EGLN1: variants seen among roughly 807,000 people sequenced by gnomAD.
EGLN1 encodes the protein egl nine homolog 1.
Under a neutral mutation model 38.3 loss-of-function variants are expected in EGLN1, and 17 were observed. The ratio of observed to expected loss-of-function variants is 0.44; its 90% CI spans 0.30 to 0.67. The LOEUF (loss-of-function observed/expected upper bound fraction) is 0.67, where lower values mean the gene tolerates loss of function less well. EGLN1 is among the 30% of genes least tolerant of loss of function. EGLN1 has a pLI of 0.08. For missense variants in EGLN1, 477 were observed against 603.3 expected (o/e 0.79, Z 2.19); for synonymous variants, 283 against 257.5 (o/e 1.10, Z -0.95).
In EGLN1 at chr1:231,421,352, CAGG is replaced by C. The variant is rs1656587985; in HGVS notation, c.534_536del (p.Leu179del). 6.2e-7 allele frequency: 1 copy of C among 1,610,016 alleles called. No homozygotes were observed. Among genetic ancestry groups the C allele is most frequent in the African/African-American group, 1.3e-5 (1 of 74,866 alleles). ...GGGGCTTCGTCTGCCCGTTGGGCCG[CAGG>C]CCGCCGCCGGGGCTCAGCGCATCCC... On this transcript the variant is annotated inframe_deletion, in exon 1 of 5. Coordinates refer to ENST00000366641, the MANE Select transcript of EGLN1 (RefSeq NM_022051.3). This position sits in a 1 kb window ranked among gnomAD's most constrained non-coding sequence, Gnocchi z 5.5.
At chr1:231,379,813 C>T (rs2808586) in intron 1 of EGLN1, among the ~76,000 whole-genome samples, 82,974 of 152,102 alleles carry the variant, frequency 0.55, 24,257 homozygotes, top group Non-Finnish European at 0.65. Context: ...TATCCCTCAT[C>T]AACATTATAA....
intron 1 of EGLN1, among the ~76,000 whole-genome samples, chr1:231,396,922 TA>T (rs1209328806): frequency 6.6e-6 from 1 of 151,384 alleles, no homozygotes; most frequent in Admixed American, 6.6e-5. Context: ...CTCTAATCTG[TA>T]TAACTCTCTC....
chr1:231,369,708 C>A (rs1453674396), intron 3 of EGLN1: 1 of 516,430 alleles, frequency 1.9e-6, no homozygotes, highest in Non-Finnish European at 2.5e-6. Context: ...CAACTCTCCA[C>A]CCAGCGCATC....
intron 1 of EGLN1, among the ~76,000 whole-genome samples, chr1:231,414,709 T>C (rs1572052172): frequency 6.6e-6 from 1 of 150,914 alleles, no homozygotes; most frequent in East Asian, 2.0e-4. Flanking sequence ...CCCAGTGCGA[T>C]GGCTCATACC....
In EGLN1 at chr1:231,421,882, T is replaced by C; in HGVS notation, c.7A>G (p.Asn3Asp). 6.8e-7 allele frequency: 1 copy of C among 1,459,872 alleles called. No individual in the cohort carries two copies. The allele number at this position is 1,459,872 out of a possible 1,614,324, so 90.4% of individuals were successfully genotyped here. Residue 3 changes from asparagine (N) to aspartate (D), a missense_variant, in exon 1 of 5, where the codon AAT (asparagine) becomes GAT (aspartate). This residue lies in a region of EGLN1 where 298 missense variants were observed against 288.9 expected (regional missense o/e 1.03). Transcript: ENST00000366641. The surrounding 1 kb of genome is among the most constrained non-coding windows in gnomAD (Gnocchi z 5.5). ...GGCCCGCCGGGCCCGCCGCTGTCAT[T>C]GGCCATGGCGGCGGCGGCGGCGGCG... MA[N>D]DSGGPGGPSP...
chr1:231,382,650 T>C (rs545889890), intron 1 of EGLN1, among the ~76,000 whole-genome samples: 14 of 152,348 alleles, frequency 9.2e-5, no homozygotes, highest in African/African-American at 2.6e-4. Context: ...GCCTTATGAC[T>C]CCTGCTGGTT....
At chr1:231,402,569 G>A (rs1688690680) in intron 1 of EGLN1, among the ~76,000 whole-genome samples, 1 of 151,726 alleles carries the variant, frequency 6.6e-6, no homozygotes, top group African/African-American at 2.4e-5. Context: ...CGAGTAGCTG[G>A]GATTACAGGT....
At position 231,382,958 on chromosome 1, in the gene EGLN1, T is replaced by C. The variant is rs376557479; in HGVS notation, c.892-8859A>G. On this transcript the variant is annotated intron_variant, in intron 1 of 4. Coordinates refer to ENST00000366641, the MANE Select transcript of EGLN1 (RefSeq NM_022051.3). ...CTGTAATCCCAGCTACTCGGGAGGC[T>C]GAGGCAGGAGAATCGCTTGAACCTG... is the stretch of plus-strand genomic sequence containing the variant. Among the ~76,000 whole-genome samples, 427 of 148,008 alleles carry C rather than the reference T, an allele frequency of 2.9e-3. 3 individuals carry two copies. Among genetic ancestry groups the C allele is most frequent in the African/African-American group, 0.01 (405 of 39,666 alleles).
At chr1:231,396,126 C>G (rs1366015644) in intron 1 of EGLN1, among the ~76,000 whole-genome samples, 2 of 151,700 alleles carry the variant, frequency 1.3e-5, no homozygotes, top group South Asian at 2.1e-4. Flanking sequence ...CTTCTTGAAC[C>G]TCTATTATTT....
At chr1:231,386,240 A>G (rs933286143) in intron 1 of EGLN1, among the ~76,000 whole-genome samples, 3 of 152,162 alleles carry the variant, frequency 2.0e-5, no homozygotes, top group Non-Finnish European at 2.9e-5. Context: ...TACAAGTTCT[A>G]TTTGTATAGA....
rs1478096152 is a variant in EGLN1 at position 231,398,781 on chromosome 1, G to GTTAA, written c.891+22216_891+22217insTTAA. On this transcript the variant is annotated intron_variant, in intron 1 of 4. Transcript: ENST00000366641. ...AAAATACACACACGATAAAGTGAGG[G>GTTAA]TTTAACTATAGTAGTGAGAACTGAA... Among the ~76,000 whole-genome samples the GTTAA allele has an allele frequency of 2.1e-3, 325 of 152,278 alleles. 1 individual carries two copies. The highest frequency in any genetic ancestry group is 7.4e-3 in the African/African-American group (308 of 41,562).
chr1:231,373,972 T>C lies in EGLN1; in HGVS notation c.1011+8A>G. 8 of 1,613,678 alleles carry C rather than the reference T, an allele frequency of 5.0e-6. No individual in the cohort carries two copies. The highest frequency in any genetic ancestry group is 5.1e-6 in the Non-Finnish European group (6 of 1,179,736). ...AGAAAAAAATAAATGCTCAATTAAG[T>C]TGCATACCTTGGCATCCCAGTCTTT... On this transcript the variant is annotated splice_region_variant and intron_variant, in intron 2 of 4. Transcript: ENST00000366641.
chr1:231,400,636 T>G (rs1455772335), intron 1 of EGLN1, among the ~76,000 whole-genome samples: 1 of 152,138 alleles, frequency 6.6e-6, no homozygotes, highest in Non-Finnish European at 1.5e-5. Context: ...AATGGCTGGG[T>G]TTTTCCTTGA....
intron 1 of EGLN1, among the ~76,000 whole-genome samples, chr1:231,416,724 A>C (rs569554158): frequency 3.9e-5 from 6 of 152,360 alleles, no homozygotes; most frequent in Non-Finnish European, 8.8e-5. Context: ...GTTAGTTTAC[A>C]TGTAAACTAC....
At position 231,388,567 on chromosome 1, in the gene EGLN1, G is replaced by A. The variant is rs191025895; in HGVS notation, c.892-14468C>T. On this transcript the variant is annotated intron_variant, in intron 1 of 4. Coordinates refer to ENST00000366641, the MANE Select transcript of EGLN1 (RefSeq NM_022051.3). Reference sequence around the variant, plus strand: ...GGCTACTGCAACCTCTACCTCCCTGGTTCAAACAATTCCCCTGCCGCAGCC... The same window carrying A: ...GGCTACTGCAACCTCTACCTCCCTGATTCAAACAATTCCCCTGCCGCAGCC... Among the ~76,000 whole-genome samples, 813 of 151,326 alleles carry A rather than the reference G, an allele frequency of 5.4e-3. 7 individuals are homozygous for A. The highest frequency in any genetic ancestry group is 0.024 in the South Asian group (115 of 4,798).
Position 231,421,217 on chromosome 1 carries a change from G to A in EGLN1, c.672C>T (p.Asp224=), listed in dbSNP as rs1656579647. The A allele has an allele frequency of 1.9e-5, 31 of 1,613,846 alleles. No individual in the cohort carries two copies. The highest frequency in any genetic ancestry group is 2.5e-5 in the Non-Finnish European group (29 of 1,180,038). ...CGGTGTCGTGCAGGGCGCGCACCTC[G>A]TCGCCGATCTGCTGTCCGGTCTCCT... The part of the protein sequence containing the change: ...LGKETGQQIG[D]EVRALHDTGK... The change falls in exon 1 of 5, where the codon GAC becomes GAT. Residue 224 remains aspartate, a synonymous_variant. Coordinates refer to ENST00000366641, the MANE Select transcript of EGLN1 (RefSeq NM_022051.3). The surrounding 1 kb of genome is among the most constrained non-coding windows in gnomAD (Gnocchi z 5.5).
At position 231,412,539 on chromosome 1, in the gene EGLN1, G is replaced by T. The variant is rs576401002; in HGVS notation, c.891+8459C>A. ...TGAGTGGTTCATGCAAGGAAGCACA[G>T]ACATACTTATAGACAACACTAAAAG... On this transcript the variant is annotated intron_variant, in intron 1 of 4. Transcript: ENST00000366641. Among the ~76,000 whole-genome samples the T allele has an allele frequency of 1.9e-3, 293 of 152,308 alleles. 3 individuals are homozygous for T. The highest frequency in any genetic ancestry group is 6.8e-3 in the African/African-American group (284 of 41,552).
intron 1 of EGLN1, among the ~76,000 whole-genome samples, chr1:231,394,217 T>C (rs946394290): frequency 6.6e-6 from 1 of 152,192 alleles, no homozygotes; most frequent in Non-Finnish European, 1.5e-5. Flanking sequence ...AAAGTTATAA[T>C]TATGCAGATT....
intron 1 of EGLN1, among the ~76,000 whole-genome samples, chr1:231,383,577 A>G (rs917808760): frequency 1.3e-5 from 2 of 152,238 alleles, no homozygotes; most frequent in Non-Finnish European, 1.5e-5. Context: ...AGGGAAAAGA[A>G]TATTTGCAAA....
Sources: gnomAD v4.1 joint callset for allele counts (sites outside exome capture counted in the v4.1 genomes callset) on GRCh38, gnomAD v4.1.1 for gene constraint, gnomAD v4.1.1 regional missense constraint, Gnocchi (gnomAD v3.1) non-coding constraint, MANE v1.5 for transcripts, NCBI Gene and HGNC (gene_info 2026-07-23, HGNC 2026-07-21) for gene names.